The following SGSM1 variants were observed in gnomAD, a reference collection of about 807,000 sequenced individuals.
SGSM1 encodes small G protein signaling modulator 1.
A neutral mutation model predicts 133.8 loss-of-function variants in SGSM1; 73 were observed. The ratio of observed to expected loss-of-function variants is 0.55; its 90% CI spans 0.45 to 0.66. The LOEUF is 0.66. Among genes scored for constraint, SGSM1 ranks in the 30% least tolerant of loss-of-function variants. The probability of loss-of-function intolerance (pLI) is 0.00; values close to 1 mark genes in which losing one functional copy is unlikely to be tolerated. For missense variants in SGSM1, 1,213 were observed against 1,448.1 expected, an observed-to-expected ratio of 0.84 and a Z score of 2.64; for synonymous variants, 563 against 573.0, an observed-to-expected ratio of 0.98 and a Z score of 0.25.
At chr22:24,909,329 A>G (rs1933532497) in intron 21 of SGSM1, among the ~76,000 whole-genome samples, 1 of 152,208 alleles carries the variant, frequency 6.6e-6, no homozygotes, top group African/African-American at 2.4e-5. Context: ...CTTCATATAC[A>G]CTGGGATGGC....
rs541805902 is a variant in SGSM1, at chr22:24,894,348, G to A, written c.1953+735G>A. 6.6e-4 allele frequency among the ~76,000 whole-genome samples: 100 copies of A among 152,322 alleles called. 2 individuals carry two copies. In the South Asian group the frequency reaches 0.02, roughly 30 times the overall value. ...GCGGAAGTTGCAGCAAGCCGAGATT[G>A]CATCACTGCACTCCAGCACGGGCAA... On this transcript the variant is annotated intron_variant, in intron 17 of 24. Transcript: ENST00000400358.
intron 12 of SGSM1, chr22:24,874,317 G>C: frequency 7.8e-7 from 1 of 1,277,934 alleles, no homozygotes; most frequent in Non-Finnish European, 1.1e-6. Flanking sequence ...GGAAGGGGGA[G>C]GGTTGGAGCC....
chr22:24,808,101 T>G (rs1437856191), intron 2 of SGSM1, among the ~76,000 whole-genome samples: 3 of 151,496 alleles, frequency 2.0e-5, no homozygotes, highest in Non-Finnish European at 4.4e-5. Context: ...CTCTTATCTT[T>G]TTTTTTTCTT....
intron 2 of SGSM1, among the ~76,000 whole-genome samples, chr22:24,811,303 C>A (rs1023411062): frequency 6.6e-6 from 1 of 152,164 alleles, no homozygotes; most frequent in Non-Finnish European, 1.5e-5. Context: ...CCCCGCTCAC[C>A]CTACCCATCC....
Position 24,883,971 on chromosome 22 carries a change from G to A in SGSM1, c.1496-82G>A, listed in dbSNP as rs927754294. 2.0e-5 allele frequency: 29 copies of A among 1,437,516 alleles called. No individual in the cohort carries two copies. The Admixed American group carries it at 6.1e-4, about 30-fold the overall frequency. The allele number at this position is 1,437,516 out of a possible 1,614,324, so 89.0% of individuals were successfully genotyped here. On this transcript the variant is annotated intron_variant, in intron 14 of 24. Coordinates refer to ENST00000400358, the MANE Select transcript of SGSM1 (RefSeq NM_001098497.3). ...AAAAATTTTAAAAAATTTGAGGTGGGACAGAACTTGGGAAGTCCCATGAGA... is the reference window on the plus strand; with the variant it reads ...AAAAATTTTAAAAAATTTGAGGTGGAACAGAACTTGGGAAGTCCCATGAGA...
At chr22:24,862,580 C>T (rs1014607663) in intron 9 of SGSM1, among the ~76,000 whole-genome samples, 1 of 152,168 alleles carries the variant, frequency 6.6e-6, no homozygotes, top group African/African-American at 2.4e-5. Context: ...TGAAATGAAG[C>T]AGGGAAGTCA....
In SGSM1 at chr22:24,879,443, C is replaced by T; in HGVS notation, c.1431-19C>T. On this transcript the variant is annotated intron_variant, in intron 13 of 24. Transcript: ENST00000400358. ...TGTTTGGATCTATTCTAAGCATCTC[C>T]CTCTTTCTCCACCTGCAGGGCTCCC... 6.2e-7 allele frequency: 1 copy of T among 1,612,998 alleles called. No homozygotes were observed. Among genetic ancestry groups the T allele is most frequent in the Admixed American group, 1.7e-5 (1 of 59,902 alleles).
At position 24,918,795 on chromosome 22, in the gene SGSM1, G is replaced by A. The variant is rs183862601; in HGVS notation, c.3026-1031G>A. ...TGCCCAAGCTGGAGAGCAATGGCGC[G>A]ATCTTGGCTCACTGCAACCTCCGCC... On this transcript the variant is annotated intron_variant, in intron 23 of 24. Transcript: ENST00000400358. Among the ~76,000 whole-genome samples the A allele has an allele frequency of 4.1e-4, 62 of 151,794 alleles. 1 individual carries two copies. The highest frequency in any genetic ancestry group is 2.8e-3 in the Admixed American group (42 of 15,226).
chr22:24,867,848 GTTAC>G (rs1325606459), intron 10 of SGSM1, among the ~76,000 whole-genome samples: 1 of 152,202 alleles, frequency 6.6e-6, no homozygotes, highest in Non-Finnish European at 1.5e-5. Context: ...CCTTGGAGAA[GTTAC>G]TTAACCTCTC....
rs1555920070 is a variant in SGSM1 at position 24,822,088 on chromosome 22, C to CTCTTTTTTTTTTTTTTTTTTTTTTTT, written c.63+15605_63+15606insCTTTTTTTTTTTTTTTTTTTTTTTTT. Among the ~76,000 whole-genome samples the CTCTTTTTTTTTTTTTTTTTTTTTTTT allele has an allele frequency of 1.0e-4, 10 of 96,126 alleles. 1 individual carries two copies. The highest frequency in any genetic ancestry group is 1.8e-4 in the Non-Finnish European group (9 of 50,310). The allele number at this position is 96,126 out of a possible 152,430, so 63.1% of individuals were successfully genotyped here. ...CCATGCTCTACCTGTTCATCTCTCT[C>CTCTTTTTTTTTTTTTTTTTTTTTTTT]TTTTTTTTTTTTTTTTTTTTGAGAC... On this transcript the variant is annotated intron_variant, in intron 2 of 24. Transcript: ENST00000400358.
chr22:24,890,387 C>T (rs1381747773), intron 16 of SGSM1, among the ~76,000 whole-genome samples: 1 of 152,060 alleles, frequency 6.6e-6, no homozygotes, highest in East Asian at 1.9e-4. Context: ...TCCCAGGTAC[C>T]CATCACCCAG....
At chr22:24,913,567 A>G (rs560913090) in intron 22 of SGSM1, among the ~76,000 whole-genome samples, 5 of 152,306 alleles carry the variant, frequency 3.3e-5, no homozygotes, top group African/African-American at 1.2e-4. Flanking sequence ...AATATTATGG[A>G]TGCTTTATTA....
chr22:24,868,597 T>G (rs1015113422), intron 11 of SGSM1, 58 bp downstream of exon 11: 58 of 1,611,898 alleles, frequency 3.6e-5, no homozygotes, highest in Admixed American at 1.5e-4. Context: ...AGAGGGTGGT[T>G]GTTTTTGCCT....
rs1932040862 is a variant in SGSM1, at chr22:24,876,649, C to G, written c.1364C>G (p.Ser455Cys). 1 of 1,613,894 alleles carries G rather than the reference C, an allele frequency of 6.2e-7. No homozygotes were observed. The highest frequency in any genetic ancestry group is 1.1e-5 in the South Asian group (1 of 91,082). Residue 455 changes from serine (S) to cysteine (C), a missense_variant, in exon 13 of 25, where the codon TCC (serine) becomes TGC (cysteine). Transcript: ENST00000400358. ...TGGCAGCCCAGTCCCCGGAAGTCCTCCTGTTCATCCTGTTCACAGAGTGGC... is the reference window on the plus strand; with the variant it reads ...TGGCAGCCCAGTCCCCGGAAGTCCTGCTGTTCATCCTGTTCACAGAGTGGC... ...SLWQPSPRKSSCSSCSQSGSA... is the reference protein window; with the variant it reads ...SLWQPSPRKSCCSSCSQSGSA...
chr22:24,825,007 G>A (rs1928718944), intron 2 of SGSM1, among the ~76,000 whole-genome samples: 1 of 152,192 alleles, frequency 6.6e-6, no homozygotes. Context: ...TTTGGTTCCT[G>A]TGATATGTGC....
At chr22:24,817,082 A>G (rs1406477887) in intron 2 of SGSM1, among the ~76,000 whole-genome samples, 1 of 152,192 alleles carries the variant, frequency 6.6e-6, no homozygotes, top group African/African-American at 2.4e-5. Flanking sequence ...TGAAATCACC[A>G]GACAGGGAGA....
chr22:24,888,134 C>T (rs886321932), intron 16 of SGSM1, among the ~76,000 whole-genome samples: 1 of 152,068 alleles, frequency 6.6e-6, no homozygotes, highest in Non-Finnish European at 1.5e-5. Flanking sequence ...ATATTTCCTC[C>T]GAGTCTGTAA....
intron 18 of SGSM1, among the ~76,000 whole-genome samples, chr22:24,896,784 C>G (rs1016779230): frequency 2.4e-4 from 36 of 151,830 alleles, no homozygotes; most frequent in African/African-American, 8.5e-4. Flanking sequence ...CAAGACCAGC[C>G]TGGCCAGCAT....
intron 22 of SGSM1, among the ~76,000 whole-genome samples, chr22:24,915,065 A>G (rs1469420140): frequency 1.3e-5 from 2 of 152,078 alleles, no homozygotes; most frequent in African/African-American, 4.8e-5. Context: ...CGTCTCTACT[A>G]AAAATACGAA....
Sources: allele counts gnomAD v4.1 joint callset (sites outside exome capture counted in the v4.1 genomes callset), GRCh38; gene constraint gnomAD v4.1.1; transcripts MANE v1.5; gene names NCBI Gene and HGNC (gene_info 2026-07-23, HGNC 2026-07-21).